WASF3: variants seen among roughly 807,000 people sequenced by gnomAD.
WASF3 encodes the protein WASP family member 3.
In WASF3, 11 loss-of-function variants were observed where a neutral mutation model predicts 46.6. That is an observed-to-expected ratio of 0.24 (90% CI 0.15 to 0.39). The LOEUF is 0.39. Ranked by LOEUF, WASF3 falls within the 10% of genes least tolerant of loss-of-function variation. WASF3 has a pLI of 1.00. For missense variants in WASF3, 576 were observed against 669.8 expected, an observed-to-expected ratio of 0.86 and a Z score of 1.55; for synonymous variants, 242 against 259.7, an observed-to-expected ratio of 0.93 and a Z score of 0.65.
chr13:26,541,929 C>T, the WASF3 span, among the ~76,000 whole-genome samples: 10 of 152,212 alleles, frequency 6.6e-5, no homozygotes, highest in African/African-American at 9.6e-5. Context: ...TGAATGTACC[C>T]GGCCTTCTCT....
At chr13:26,591,625 T>G (rs1165356841) in intron 1 of WASF3, among the ~76,000 whole-genome samples, 2 of 152,120 alleles carry the variant, frequency 1.3e-5, no homozygotes, top group African/African-American at 4.8e-5. Context: ...GCATGTTATA[T>G]TTCATATTAG....
At chr13:26,576,738 T>C (rs115597629) in intron 1 of WASF3, 3,178 of 251,724 alleles carry the variant, frequency 0.013, 97 homozygotes, top group African/African-American at 0.064. Context: ...AAAATAACTT[T>C]ATTGTGGAAC....
intron 3 of WASF3, 151 bp downstream of exon 3, chr13:26,642,554 C>T (rs1401640126): frequency 3.2e-6 from 3 of 949,386 alleles, no homozygotes; most frequent in Non-Finnish European, 4.4e-6. Flanking sequence ...TTGACCACTG[C>T]ACCTGTACTG....
chr13:26,671,749 G>C, intron 5 of WASF3, 123 bp from the exon 6 acceptor site: 1 of 620,458 alleles, frequency 1.6e-6, no homozygotes, highest in Non-Finnish European at 2.7e-6. Flanking sequence ...ATATGTGTAG[G>C]AGAGTTTAAG....
intron 2 of WASF3, chr13:26,641,315 A>C (rs548050309): frequency 6.6e-6 from 1 of 151,934 alleles, no homozygotes; most frequent in Non-Finnish European, 1.5e-5. Flanking sequence ...AGGGAGGGAG[A>C]AGGTTCTGTG....
At chr13:26,565,434 C>T (rs1299740371) in intron 1 of WASF3, among the ~76,000 whole-genome samples, 1 of 151,974 alleles carries the variant, frequency 6.6e-6, no homozygotes, top group Non-Finnish European at 1.5e-5. Flanking sequence ...TTAACTTTGG[C>T]AGAAATACTA....
At chr13:26,570,690 G>C (rs528367807) in intron 1 of WASF3, among the ~76,000 whole-genome samples, 19 of 152,256 alleles carry the variant, frequency 1.2e-4, no homozygotes, top group Non-Finnish European at 2.5e-4. Flanking sequence ...TTCGTTACCA[G>C]TCTTCTGTGT....
intron 1 of WASF3, among the ~76,000 whole-genome samples, chr13:26,558,633 A>C (rs923470370): frequency 6.6e-6 from 1 of 152,198 alleles, no homozygotes; most frequent in Non-Finnish European, 1.5e-5. Flanking sequence ...TCCCTGGTGG[A>C]GACGAGAGTT....
intron 1 of WASF3, among the ~76,000 whole-genome samples, chr13:26,561,493 G>A (rs79999559): frequency 6.6e-6 from 1 of 152,104 alleles, no homozygotes; most frequent in Non-Finnish European, 1.5e-5. Context: ...TTCAGGTGCT[G>A]AGGGGACAGT....
intron 1 of WASF3, among the ~76,000 whole-genome samples, chr13:26,578,132 T>C (rs1275852552): frequency 1.3e-5 from 2 of 152,208 alleles, no homozygotes; most frequent in Non-Finnish European, 2.9e-5. Context: ...TTTTCTTTCC[T>C]CCTGCCTTAT....
rs1189568399 is a variant in WASF3, at chr13:26,679,431, TGCCTCCATCTGGTTA to T, written c.717-1619_717-1605del. Among the ~76,000 whole-genome samples the T allele has an allele frequency of 4.6e-5, 7 of 152,362 alleles. No homozygotes were observed. Among genetic ancestry groups the T allele is most frequent in the Admixed American group, 3.3e-4 (5 of 15,306 alleles). ...TATTTATCGAGTCTTCCTTCACTTC[TGCCTCCATCTGGTTA>T]GCCCCTTTTCCTTGCTTCCTTTCTA... is the stretch of plus-strand genomic sequence containing the variant. On this transcript the variant is annotated intron_variant, in intron 7 of 9. Transcript: ENST00000335327. This position sits in a 1 kb window ranked among gnomAD's most constrained non-coding sequence, Gnocchi z 4.8.
rs572077715 is a variant in WASF3, at chr13:26,685,305, T to C, written c.1352-383T>C. 2.8e-4 allele frequency among the ~76,000 whole-genome samples: 42 copies of C among 152,276 alleles called. No homozygotes were observed. The Middle Eastern group carries it at 0.01, about 37-fold the overall frequency. Reference sequence around the variant, plus strand: ...CTGCCTAGTAGATGTCCTGTGGTGATAGAAATGCTCCAGCCTGCAGCGTCC... The same window carrying C: ...CTGCCTAGTAGATGTCCTGTGGTGACAGAAATGCTCCAGCCTGCAGCGTCC... On this transcript the variant is annotated intron_variant, in intron 9 of 9. Transcript: ENST00000335327.
chr13:26,618,230 A>AT (rs1881194815), intron 2 of WASF3, among the ~76,000 whole-genome samples: 1 of 151,844 alleles, frequency 6.6e-6, no homozygotes, highest in Non-Finnish European at 1.5e-5. Flanking sequence ...CTTTATTACA[A>AT]TTTTTTCCTG....
chr13:26,582,671 C>T (rs1206991258), intron 1 of WASF3, among the ~76,000 whole-genome samples: 58 of 76,176 alleles, frequency 7.6e-4, no homozygotes, highest in Admixed American at 5.5e-3. Flanking sequence ...AGTGAGACTC[C>T]GTCTCAAAAA....
At chr13:26,568,702 G>A (rs1044034559) in intron 1 of WASF3, among the ~76,000 whole-genome samples, 2 of 152,188 alleles carry the variant, frequency 1.3e-5, no homozygotes, top group Non-Finnish European at 2.9e-5. Flanking sequence ...AGCTCAGCAG[G>A]ATACACCACA....
intron 1 of WASF3, among the ~76,000 whole-genome samples, chr13:26,610,350 C>T (rs899827403): frequency 6.6e-6 from 1 of 152,190 alleles, no homozygotes; most frequent in African/African-American, 2.4e-5. Context: ...CCGCCATATA[C>T]ACCTGTCAGA....
chr13:26,567,031 A>G (rs1300158235), intron 1 of WASF3, among the ~76,000 whole-genome samples: 4 of 152,216 alleles, frequency 2.6e-5, no homozygotes, highest in Non-Finnish European at 5.9e-5. Flanking sequence ...GTAGTAGGTG[A>G]TGTGCTCAGT....
At chr13:26,574,276 CT>C (rs561160787) in intron 1 of WASF3, among the ~76,000 whole-genome samples, 1 of 151,962 alleles carries the variant, frequency 6.6e-6, no homozygotes, top group Non-Finnish European at 1.5e-5. Context: ...TCATTTATAT[CT>C]TTTTTTTCCT....
chr13:26,604,795 AC>A (rs1232082964), intron 1 of WASF3, among the ~76,000 whole-genome samples: 1 of 152,218 alleles, frequency 6.6e-6, no homozygotes, highest in Admixed American at 6.5e-5. Context: ...CAAGGTTTAA[AC>A]TGTCATCTCA....
Sources: allele counts gnomAD v4.1 joint callset (sites outside exome capture counted in the v4.1 genomes callset), GRCh38; gene constraint gnomAD v4.1.1; non-coding constraint Gnocchi (gnomAD v3.1); transcripts MANE v1.5; gene names NCBI Gene and HGNC (gene_info 2026-07-23, HGNC 2026-07-21).